Variants in CTNNA2 observed in about 807,000 individuals in gnomAD.
CTNNA2 encodes the protein catenin alpha 2.
A neutral mutation model predicts 101.0 loss-of-function variants in CTNNA2; 42 were observed. That is an observed-to-expected ratio of 0.42 (90% CI 0.32 to 0.54). CTNNA2 has a LOEUF of 0.54. Among genes scored for constraint, CTNNA2 ranks in the 20% least tolerant of loss-of-function variants. The pLI is 0.14. For missense variants in CTNNA2, 871 were observed against 1,223.1 expected (o/e 0.71, Z 4.29); for synonymous variants, 450 against 456.4 (o/e 0.99, Z 0.18).
chr2:79,401,849 TTAAAA>T (rs746550921), intron 4 of CTNNA2, among the ~76,000 whole-genome samples: 6 of 151,402 alleles, frequency 4.0e-5, no homozygotes, highest in East Asian at 3.9e-4. Flanking sequence ...AAAAAGTAAA[TTAAAA>T]TTAAATTTAA....
At chr2:80,308,503 G>C (rs142402225) in intron 7 of CTNNA2, among the ~76,000 whole-genome samples, 122 of 152,236 alleles carry the variant, frequency 8.0e-4, no homozygotes, top group African/African-American at 2.8e-3. Flanking sequence ...AATTAACTTT[G>C]TTGTTTCTGT....
chr2:79,989,590 C>A (rs1195719614), intron 7 of CTNNA2, among the ~76,000 whole-genome samples: 1 of 152,192 alleles, frequency 6.6e-6, no homozygotes, highest in Admixed American at 6.5e-5. Context: ...GTACCATGAT[C>A]ACACCACTGC....
chr2:79,815,771 AT>A (rs200706378), intron 3 of CTNNA2, among the ~76,000 whole-genome samples: 22 of 149,598 alleles, frequency 1.5e-4, no homozygotes, highest in South Asian at 2.1e-4. Flanking sequence ...TGAATTTTAG[AT>A]TTTTTTTTTC....
intron 7 of CTNNA2, among the ~76,000 whole-genome samples, chr2:80,290,129 T>C (rs964608234): frequency 2.0e-5 from 3 of 152,180 alleles, no homozygotes; most frequent in Non-Finnish European, 2.9e-5. Flanking sequence ...AAGGATTGTT[T>C]TCTGAATTTT....
intron 4 of CTNNA2, among the ~76,000 whole-genome samples, chr2:79,466,301 C>T (rs1040065767): frequency 2.6e-5 from 4 of 152,324 alleles, no homozygotes; most frequent in Middle Eastern, 3.4e-3. Context: ...AGTCTGAGAT[C>T]GAACTGCAAG....
At chr2:80,105,599 G>C (rs1337151490) in intron 7 of CTNNA2, among the ~76,000 whole-genome samples, 2 of 152,064 alleles carry the variant, frequency 1.3e-5, no homozygotes, top group African/African-American at 4.8e-5. Flanking sequence ...AGCCAGGCAT[G>C]GTTGGCGCAT....
At chr2:79,756,156 C>T (rs568049991) in intron 3 of CTNNA2, among the ~76,000 whole-genome samples, 2 of 152,130 alleles carry the variant, frequency 1.3e-5, no homozygotes, top group Non-Finnish European at 2.9e-5. Context: ...CCTGACCTCT[C>T]TTTCTGGAAC....
chr2:79,850,176 C>T (rs537961848), intron 3 of CTNNA2, among the ~76,000 whole-genome samples: 3 of 151,212 alleles, frequency 2.0e-5, no homozygotes, highest in African/African-American at 7.3e-5. Flanking sequence ...TCCCTTCCTC[C>T]ATCCTTCCCT....
chr2:79,760,909 G>A (rs768321114), intron 3 of CTNNA2, among the ~76,000 whole-genome samples: 3 of 150,562 alleles, frequency 2.0e-5, no homozygotes, highest in Non-Finnish European at 4.4e-5. Flanking sequence ...GGTGTTACGT[G>A]TGCCCTCTTG....
intron 1 of CTNNA2, among the ~76,000 whole-genome samples, chr2:79,641,188 G>C (rs1160644318): frequency 6.6e-6 from 1 of 152,156 alleles, no homozygotes; most frequent in Non-Finnish European, 1.5e-5. Flanking sequence ...TTAAGCAGTT[G>C]TTTTGGTTTT....
In CTNNA2 at chr2:79,337,968, G is replaced by A. The variant is rs531405669; in HGVS notation, c.-318+25172G>A. Among the ~76,000 whole-genome samples the A allele has an allele frequency of 2.6e-5, 4 of 152,058 alleles. No individual in the cohort carries two copies. In the East Asian group the frequency reaches 5.8e-4, roughly 22 times the overall value. On this transcript the variant is annotated intron_variant, in intron 3 of 21. Coordinates refer to the CTNNA2 transcript ENST00000466387. ...GAGTAAAACATTGGTAGTCAGGGCC[G>A]GGCATGGTGGCTCATGCTTGTAAAC...
At chr2:79,910,101 G>GGTAAAGGTA (rs1485175901) in intron 7 of CTNNA2, among the ~76,000 whole-genome samples, 1 of 152,126 alleles carries the variant, frequency 6.6e-6, no homozygotes, top group Non-Finnish European at 1.5e-5. Flanking sequence ...GATTTCAATT[G>GGTAAAGGTA]GTAAAGGTAG....
intron 7 of CTNNA2, among the ~76,000 whole-genome samples, chr2:80,229,182 C>T (rs1709057059): frequency 6.6e-6 from 1 of 152,180 alleles, no homozygotes; most frequent in Admixed American, 6.5e-5. Flanking sequence ...CTCTATACTT[C>T]ATTTCTGACA....
intron 1 of CTNNA2, among the ~76,000 whole-genome samples, chr2:79,592,170 G>T (rs1676901797): frequency 6.7e-6 from 1 of 149,994 alleles, no homozygotes; most frequent in South Asian, 2.1e-4. Flanking sequence ...GCCCAGGCTG[G>T]AGTGCATTGG....
rs920689412 is a variant in CTNNA2, at chr2:79,727,616, G to A, written c.103-16771G>A. Among the ~76,000 whole-genome samples, 5 of 151,600 alleles carry A rather than the reference G, an allele frequency of 3.3e-5. No homozygotes were observed. The East Asian group carries it at 9.7e-4, about 30-fold the overall frequency. On this transcript the variant is annotated intron_variant, in intron 2 of 18. Transcript: ENST00000402739. ...TTATACTTTAAGTTTTAGGGTACCTGTGCACAATGTGCAGGTTAGTTACAT... is the reference window on the plus strand; with the variant it reads ...TTATACTTTAAGTTTTAGGGTACCTATGCACAATGTGCAGGTTAGTTACAT...
intron 7 of CTNNA2, among the ~76,000 whole-genome samples, chr2:79,973,098 C>G (rs1476682710): frequency 6.6e-6 from 1 of 151,738 alleles, no homozygotes; most frequent in East Asian, 1.9e-4. Context: ...TTTTAATTGC[C>G]CTGAAATAAA....
rs971957740 is a variant in CTNNA2 at position 79,360,482 on chromosome 2, A to G, written c.-317-13349A>G. On this transcript the variant is annotated intron_variant, in intron 3 of 21. Transcript: ENST00000466387. Reference sequence around the variant, plus strand: ...GGAAACAAAGAAATGAGATGAGATTAAGATGTAAAGAGGCTTGAGCGCCAG... The same window carrying G: ...GGAAACAAAGAAATGAGATGAGATTGAGATGTAAAGAGGCTTGAGCGCCAG... Among the ~76,000 whole-genome samples the G allele has an allele frequency of 5.3e-5, 8 of 152,214 alleles. No homozygotes were observed. The East Asian group carries it at 1.5e-3, about 29-fold the overall frequency.
At chr2:80,647,101 C>T (rs1256457539) in intron 18 of CTNNA2, among the ~76,000 whole-genome samples, 1 of 152,050 alleles carries the variant, frequency 6.6e-6, no homozygotes, top group South Asian at 2.1e-4. Flanking sequence ...TAAATTGATA[C>T]TCCAAGCTCA....
chr2:79,931,362 C>T (rs1687430576), intron 7 of CTNNA2, among the ~76,000 whole-genome samples: 1 of 152,042 alleles, frequency 6.6e-6, no homozygotes, highest in Admixed American at 6.6e-5. Context: ...CCCCTATACC[C>T]ACTCCCCTTT....
Sources: allele counts gnomAD v4.1 joint callset (sites outside exome capture counted in the v4.1 genomes callset), GRCh38; gene constraint gnomAD v4.1.1; transcripts MANE v1.5; gene names NCBI Gene and HGNC (gene_info 2026-07-23, HGNC 2026-07-21).